CABYR: variants seen among roughly 807,000 people sequenced by gnomAD.
CABYR encodes calcium binding tyrosine phosphorylation regulated.
In CABYR, 31 loss-of-function variants were observed where a neutral mutation model predicts 36.1. The observed-to-expected ratio is 0.86, with a 90% CI of 0.64 to 1.16. CABYR has a LOEUF of 1.16. Ranked by LOEUF, CABYR falls within the 50% of genes most tolerant of loss-of-function variation. The pLI is 0.00. For synonymous variants in CABYR, 146 were observed against 160.7 expected (o/e 0.91, Z 0.69); for missense variants, 429 against 455.8 (o/e 0.94, Z 0.53).
chr18:24,154,143 A>C (rs908267870), intron 3 of CABYR, among the ~76,000 whole-genome samples: 2 of 149,366 alleles, frequency 1.3e-5, no homozygotes, highest in Non-Finnish European at 3.0e-5. Context: ...TCCCCTCCTC[A>C]GAACTCCAAG....
At chr18:24,149,915 C>T (rs552215718) in intron 3 of CABYR, among the ~76,000 whole-genome samples, 2 of 152,222 alleles carry the variant, frequency 1.3e-5, no homozygotes, top group South Asian at 2.1e-4. Context: ...CGCGCAGCCC[C>T]GGTTCCCGCT....
chr18:24,147,561 G>A (rs562543470), intron 3 of CABYR, among the ~76,000 whole-genome samples: 92 of 152,196 alleles, frequency 6.0e-4, no homozygotes, highest in African/African-American at 1.8e-3. Context: ...GTAGGAAATC[G>A]AAAATAATCC....
chr18:24,143,114 A>AATGATTTC lies in CABYR; in HGVS notation c.1_8dup (p.Ser4Ter). The AATGATTTC allele has an allele frequency of 6.2e-6, 10 of 1,600,392 alleles. No individual in the cohort carries two copies. The highest frequency in any genetic ancestry group is 6.8e-6 in the Non-Finnish European group (8 of 1,175,372). Reference sequence around the variant, plus strand: ...AGTTGAGTTACAGACATCCTGCCAAAATGATTTCTTCAAAGCCCAGACTTG... The same window carrying AATGATTTC: ...AGTTGAGTTACAGACATCCTGCCAAAATGATTTCATGATTTCTTCAAAGCCCAGACTTG... On this transcript the variant is annotated 5_prime_UTR_variant, in exon 2 of 6. It adds an upstream start codon to the 5' untranslated region. Transcript: ENST00000399496.
chr18:24,139,739 G>A (rs1800606296), intron 1 of CABYR: 1 of 152,240 alleles, frequency 6.6e-6, no homozygotes, highest in Non-Finnish European at 1.5e-5. Flanking sequence ...ACAGTTCTTT[G>A]TGGGGAACTG....
intron 1 of CABYR, among the ~76,000 whole-genome samples, 171 bp downstream of exon 1, chr18:24,139,289 G>A (rs2085241133): frequency 6.6e-6 from 1 of 152,158 alleles, no homozygotes; most frequent in African/African-American, 2.4e-5. Flanking sequence ...GCGACCAGAC[G>A]GCCAGCTGCC....
chr18:24,156,835 T>C (rs2145882555), intron 4 of CABYR: 3 of 1,614,044 alleles, frequency 1.9e-6, no homozygotes, highest in Non-Finnish European at 2.5e-6. Flanking sequence ...CCCCAGGAGA[T>C]GGAAGGCAAA....
At chr18:24,157,026 A>C (rs1394224781) in intron 4 of CABYR, 3 of 1,546,694 alleles carry the variant, frequency 1.9e-6, no homozygotes, top group Non-Finnish European at 1.8e-6. Context: ...TTTCCATTAC[A>C]AATTGCATTT....
intron 3 of CABYR, among the ~76,000 whole-genome samples, chr18:24,145,626 T>A (rs1308748651): frequency 1.3e-5 from 2 of 152,110 alleles, no homozygotes; most frequent in Admixed American, 1.3e-4. Flanking sequence ...AAGCTCCTCA[T>A]GTGTGGAGTA....
chr18:24,145,618 GCTC>G (rs1295594840), intron 3 of CABYR, among the ~76,000 whole-genome samples: 1 of 152,148 alleles, frequency 6.6e-6, no homozygotes, highest in Non-Finnish European at 1.5e-5. Flanking sequence ...CAACTCCTAA[GCTC>G]CTCATGTGTG....
intron 3 of CABYR, 35 bp downstream of exon 3, chr18:24,143,448 ATGT>A (rs762740534): frequency 4.1e-6 from 5 of 1,226,058 alleles, no homozygotes; most frequent in Non-Finnish European, 4.6e-6. Flanking sequence ...TTTAATAATG[ATGT>A]TTATTAATTA....
chr18:24,141,734 A>G (rs2085325706), intron 1 of CABYR, among the ~76,000 whole-genome samples: 2 of 152,130 alleles, frequency 1.3e-5, no homozygotes, highest in South Asian at 4.1e-4. Flanking sequence ...CAGAATACAT[A>G]CACCCTGACA....
intron 3 of CABYR, among the ~76,000 whole-genome samples, chr18:24,149,954 AG>A (rs2085576531): frequency 6.6e-6 from 1 of 152,252 alleles, no homozygotes. Context: ...CCTGCCTGCA[AG>A]CTGAGGGAGC....
chr18:24,160,153 AT>A (rs1359399000), intron 5 of CABYR, 84 bp downstream of exon 5: 2 of 971,706 alleles, frequency 2.1e-6, no homozygotes, highest in Middle Eastern at 2.4e-4. Context: ...GGAGATTTAG[AT>A]ATTTAAAAAC....
At position 24,143,231 on chromosome 18, in the gene CABYR, T is replaced by G. The variant is rs778498292; in HGVS notation, c.117T>G (p.Ala39=). Residue 39 remains alanine (A), a synonymous_variant, in exon 2 of 6, where the codon GCT becomes GCG. Coordinates refer to ENST00000399496, the MANE Select transcript of CABYR (RefSeq NM_153769.3). The stretch of plus-strand genomic sequence containing the variant: ...CAAACATCAACCAGTTTGCAGCAGC[T>G]TATTTTCAAGAACTTACTATGTATA... The part of the protein sequence containing the change: ...NPSNINQFAA[A]YFQELTMYRG... 1 of 1,613,680 alleles carries G rather than the reference T, an allele frequency of 6.2e-7. No individual in the cohort carries two copies. Among genetic ancestry groups the G allele is most frequent in the Non-Finnish European group, 8.5e-7 (1 of 1,179,926 alleles).
intron 4 of CABYR, chr18:24,156,660 C>T (rs1189669203): frequency 6.2e-7 from 1 of 1,614,162 alleles, no homozygotes; most frequent in Admixed American, 1.7e-5. Context: ...AACAGCTCTG[C>T]TCTCTGACAC....
intron 4 of CABYR, chr18:24,156,302 A>T (rs780981318): frequency 1.7e-4 from 271 of 1,614,080 alleles, no homozygotes; most frequent in Admixed American, 2.7e-4. Context: ...TGCAGGATGA[A>T]CAAGAACCTC....
At chr18:24,142,044 G>A (rs1392231837) in intron 1 of CABYR, among the ~76,000 whole-genome samples, 1 of 152,186 alleles carries the variant, frequency 6.6e-6, no homozygotes, top group Non-Finnish European at 1.5e-5. Flanking sequence ...ATGAGCAATG[G>A]TCGGGCACGG....
intron 1 of CABYR, chr18:24,139,362 A>T (rs562281015): frequency 4.9e-4 from 75 of 152,334 alleles, no homozygotes; most frequent in African/African-American, 1.8e-3. Context: ...CGATGTGAGC[A>T]CGCCCAGCCT....
rs555332510 is a variant in CABYR, at chr18:24,153,058, C to T, written c.200-2643C>T. Among the ~76,000 whole-genome samples, 59 of 152,296 alleles carry T rather than the reference C, an allele frequency of 3.9e-4. 1 individual carries two copies. The South Asian group carries it at 0.012, about 31-fold the overall frequency. ...GTATTTCTCAGCATCTGTGCTTCCCCCTCAGCTTTCAGCCTTCTCTGCCAG... is the reference window on the plus strand; with the variant it reads ...GTATTTCTCAGCATCTGTGCTTCCCTCTCAGCTTTCAGCCTTCTCTGCCAG... On this transcript the variant is annotated intron_variant, in intron 3 of 5. Coordinates refer to ENST00000399496, the MANE Select transcript of CABYR (RefSeq NM_153769.3).
Sources: allele counts gnomAD v4.1 joint callset (sites outside exome capture counted in the v4.1 genomes callset), GRCh38; gene constraint gnomAD v4.1.1; transcripts MANE v1.5; gene names NCBI Gene and HGNC (gene_info 2026-07-23, HGNC 2026-07-21).